RBFOX3: variants seen among roughly 807,000 people sequenced by gnomAD.
The protein encoded by RBFOX3 is RNA binding protein fox-1 homolog 3.
Under a neutral mutation model 48.7 loss-of-function variants are expected in RBFOX3, and 17 were observed. That is an observed-to-expected ratio of 0.35 (90% CI 0.24 to 0.52). RBFOX3 has a LOEUF of 0.52. Among genes scored for constraint, RBFOX3 ranks in the 20% least tolerant of loss-of-function variants. The pLI, the probability that RBFOX3 is intolerant of heterozygous loss-of-function variation, is 0.94. For missense variants in RBFOX3, 382 were observed against 497.5 expected, an observed-to-expected ratio of 0.77 and a Z score of 2.21; for synonymous variants, 212 against 209.5, an observed-to-expected ratio of 1.01 and a Z score of -0.10.
intron 1 of RBFOX3, among the ~76,000 whole-genome samples, chr17:79,558,567 T>C (rs2144064534): frequency 6.6e-6 from 1 of 152,132 alleles, no homozygotes; most frequent in East Asian, 2.0e-4. Context: ...CCCTCCAAGG[T>C]GGCTTCGGGC....
chr17:79,628,196 C>T, the RBFOX3 span, among the ~76,000 whole-genome samples: 1 of 152,072 alleles, frequency 6.6e-6, no homozygotes, highest in Middle Eastern at 3.2e-3. Context: ...GCCCTGGTCC[C>T]CAGCTGCCCT....
chr17:79,236,532 C>T (rs2061660577), intron 3 of RBFOX3, among the ~76,000 whole-genome samples: 1 of 152,098 alleles, frequency 6.6e-6, no homozygotes. Context: ...CTCGGGCAAT[C>T]CACCCACCTT....
At chr17:79,606,641 G>A (rs2093837298) in intron 1 of RBFOX3, among the ~76,000 whole-genome samples, 1 of 152,226 alleles carries the variant, frequency 6.6e-6, no homozygotes, top group African/African-American at 2.4e-5. Context: ...ACTTAAAAAT[G>A]TCTATTTTAT....
intron 5 of RBFOX3, among the ~76,000 whole-genome samples, chr17:79,110,884 C>T (rs1043996211): frequency 1.3e-5 from 2 of 152,250 alleles, no homozygotes; most frequent in African/African-American, 2.4e-5. Context: ...CTCACTGTGG[C>T]GTTGCTTTGG....
chr17:79,495,906 G>T (rs1329097095), intron 1 of RBFOX3, among the ~76,000 whole-genome samples: 1 of 151,886 alleles, frequency 6.6e-6, no homozygotes, highest in African/African-American at 2.4e-5. Flanking sequence ...GACCCTGCAG[G>T]CCTCCAGCCT....
rs78434022 is a variant in RBFOX3, at chr17:79,425,160, C to T, written c.-175+57294G>A. On this transcript the variant is annotated intron_variant, in intron 2 of 14. Coordinates refer to ENST00000693108, the MANE Select transcript of RBFOX3 (RefSeq NM_001350451.2). ...CTCCAGGAGCATGGGTTTCTGTCAG[C>T]TTCTAGAACATACCCAGATCCTTCT... is the stretch of plus-strand genomic sequence containing the variant. 4.7e-3 allele frequency among the ~76,000 whole-genome samples: 723 copies of T among 152,298 alleles called. 8 individuals are homozygous for T. The highest frequency in any genetic ancestry group is 0.016 in the African/African-American group (685 of 41,542).
intron 2 of RBFOX3, among the ~76,000 whole-genome samples, chr17:79,321,334 ACT>A (rs1328288871): frequency 6.6e-6 from 1 of 151,786 alleles, no homozygotes; most frequent in Non-Finnish European, 1.5e-5. Context: ...AAATCAGGAC[ACT>A]CTTGCAATGG....
Position 79,115,743 on chromosome 17 carries a change from A to G in RBFOX3, c.-28T>C. 5 of 719,510 alleles carry G rather than the reference A, an allele frequency of 6.9e-6. No individual in the cohort carries two copies. Among genetic ancestry groups the G allele is most frequent in the Admixed American group, 6.5e-5 (3 of 46,476 alleles). 44.6% of individuals were successfully genotyped at this position (719,510 alleles called of 1,614,324 possible). On this transcript the variant is annotated 5_prime_UTR_variant, in exon 5 of 15. Coordinates refer to ENST00000693108, the MANE Select transcript of RBFOX3 (RefSeq NM_001350451.2). ...CTTCAGGCGGAGCCGTGGCGTCCTG[A>G]TCGCTCTGTGGAAGGAGAGAGAGCA...
chr17:79,615,701 A>G (rs2093991079), upstream of RBFOX3, among the ~76,000 whole-genome samples: 1 of 152,078 alleles, frequency 6.6e-6, no homozygotes, highest in Non-Finnish European at 1.5e-5. Context: ...ATTTCGCCCC[A>G]TGGAAGCATT....
At chr17:79,548,474 C>A (rs990668534) in intron 1 of RBFOX3, among the ~76,000 whole-genome samples, 7 of 152,260 alleles carry the variant, frequency 4.6e-5, no homozygotes, top group African/African-American at 1.7e-4. Context: ...GCTGCCACCA[C>A]CCCCAAAGCC....
intron 2 of RBFOX3, among the ~76,000 whole-genome samples, chr17:79,331,484 C>T (rs950571697): frequency 3.3e-5 from 5 of 152,180 alleles, no homozygotes; most frequent in East Asian, 1.9e-4. Context: ...ACAAATGTTT[C>T]GCTTCATTCC....
At chr17:79,320,846 A>G (rs34538750) in intron 2 of RBFOX3, among the ~76,000 whole-genome samples, 2,542 of 152,254 alleles carry the variant, frequency 0.017, 35 homozygotes, top group Middle Eastern at 0.041. Flanking sequence ...TCTCAGAATC[A>G]GAGTCCGTCT....
intron 2 of RBFOX3, among the ~76,000 whole-genome samples, chr17:79,424,666 TCAG>T (rs1281212053): frequency 6.6e-6 from 1 of 152,072 alleles, no homozygotes; most frequent in East Asian, 1.9e-4. Flanking sequence ...CCCTCTGGCC[TCAG>T]GCAGGTCTGT....
chr17:79,541,960 G>A (rs749728913), intron 1 of RBFOX3, among the ~76,000 whole-genome samples: 16 of 152,002 alleles, frequency 1.1e-4, no homozygotes, highest in Non-Finnish European at 1.5e-4. Context: ...ACTGGCTGCC[G>A]GGGCCTTCCC....
chr17:79,531,285 C>T (rs2087733858), intron 1 of RBFOX3, among the ~76,000 whole-genome samples: 3 of 152,180 alleles, frequency 2.0e-5, no homozygotes, highest in Admixed American at 2.0e-4. Flanking sequence ...GCCCACCTGC[C>T]CTGCCAGCAT....
chr17:79,603,995 C>T (rs1227526084), intron 1 of RBFOX3: 2 of 152,324 alleles, frequency 1.3e-5, no homozygotes, highest in Non-Finnish European at 2.9e-5. Flanking sequence ...CCACTCACCA[C>T]ACCCACAGGT....
chr17:79,434,026 C>T (rs1440106711), intron 2 of RBFOX3, among the ~76,000 whole-genome samples: 6 of 152,196 alleles, frequency 3.9e-5, no homozygotes, highest in Admixed American at 6.5e-5. Flanking sequence ...AGCCTCCTGG[C>T]GCTCAGGAAC....
chr17:79,303,597 A>G (rs1056893969), intron 3 of RBFOX3, among the ~76,000 whole-genome samples: 15 of 152,170 alleles, frequency 9.9e-5, no homozygotes, highest in Admixed American at 2.0e-4. Flanking sequence ...GGCTAGGGGC[A>G]CTGACCTGCC....
chr17:79,450,055 G>C (rs191370349), intron 2 of RBFOX3, among the ~76,000 whole-genome samples: 1 of 152,032 alleles, frequency 6.6e-6, no homozygotes, highest in Non-Finnish European at 1.5e-5. Flanking sequence ...AAGAGAGACC[G>C]TGGAACGATG....
Sources: gnomAD v4.1 joint callset for allele counts (sites outside exome capture counted in the v4.1 genomes callset) on GRCh38, gnomAD v4.1.1 for gene constraint, MANE v1.5 for transcripts, NCBI Gene and HGNC (gene_info 2026-07-23, HGNC 2026-07-21) for gene names.